ACTR3C: variants seen among roughly 807,000 people sequenced by gnomAD.
ACTR3C encodes actin related protein 3C, also known as actin-related protein 3C.
A neutral mutation model predicts 26.3 loss-of-function variants in ACTR3C; 18 were observed. That is an observed-to-expected ratio of 0.68 (90% CI 0.47 to 1.01). The LOEUF (loss-of-function observed/expected upper bound fraction) is 1.01. Among genes scored for constraint, ACTR3C ranks in the 50% least tolerant of loss-of-function variants. ACTR3C has a pLI of 0.00. For missense variants in ACTR3C, 184 were observed against 250.7 expected, an observed-to-expected ratio of 0.73 and a Z score of 1.80; for synonymous variants, 55 against 94.5, an observed-to-expected ratio of 0.58 and a Z score of 2.42.
chr7:150,116,415 G>T, the ACTR3C span, among the ~76,000 whole-genome samples: 1 of 152,176 alleles, frequency 6.6e-6, no homozygotes, highest in Admixed American at 6.5e-5. Flanking sequence ...CCTTTTGGGG[G>T]TTGATTTCTG....
At chr7:149,954,146 C>T in the ACTR3C span, among the ~76,000 whole-genome samples, 4 of 150,502 alleles carry the variant, frequency 2.7e-5, no homozygotes, top group African/African-American at 7.4e-5. Context: ...GTAGTGATTA[C>T]AATGATAAGG....
chr7:150,236,617 G>A, the ACTR3C span, among the ~76,000 whole-genome samples: 3 of 151,706 alleles, frequency 2.0e-5, no homozygotes, highest in Non-Finnish European at 4.4e-5. Context: ...TGAAAGACCA[G>A]TGATTACATA....
the ACTR3C span, among the ~76,000 whole-genome samples, chr7:150,033,865 T>A: frequency 1.3e-4 from 17 of 133,382 alleles, no homozygotes; most frequent in African/African-American, 1.8e-4. Context: ...GCGATGGGGA[T>A]CCTAAGAGCA....
At chr7:149,904,686 T>C in the ACTR3C span, among the ~76,000 whole-genome samples, 164 of 149,554 alleles carry the variant, frequency 1.1e-3, 2 homozygotes, top group African/African-American at 3.8e-3. Context: ...TCAAATTTTT[T>C]CCCAATTAAT....
chr7:150,227,688 G>GTGTTTTTTT, the ACTR3C span, among the ~76,000 whole-genome samples: 38 of 111,358 alleles, frequency 3.4e-4, no homozygotes, highest in East Asian at 1.6e-3. Context: ...TTGTGTCTGG[G>GTGTTTTTTT]TTTTTTTTTT....
chr7:149,961,014 G>A, the ACTR3C span, among the ~76,000 whole-genome samples: 1 of 152,032 alleles, frequency 6.6e-6, no homozygotes, highest in Admixed American at 6.5e-5. Context: ...GGGCTCACAG[G>A]AAGTGCACTG....
At chr7:149,894,803 A>G in the ACTR3C span, among the ~76,000 whole-genome samples, 1 of 152,030 alleles carries the variant, frequency 6.6e-6, no homozygotes, top group Non-Finnish European at 1.5e-5. Flanking sequence ...GCAAATCAGT[A>G]GAGCCATTAT....
the ACTR3C span, among the ~76,000 whole-genome samples, chr7:150,009,082 G>A: frequency 0.011 from 1,690 of 152,358 alleles, 30 homozygotes; most frequent in African/African-American, 0.039. Flanking sequence ...TGGGCCAGAA[G>A]TGGGGATGTT....
chr7:150,069,026 T>A, the ACTR3C span, among the ~76,000 whole-genome samples: 13 of 152,302 alleles, frequency 8.5e-5, no homozygotes, highest in Non-Finnish European at 1.5e-4. Context: ...ACCAGCTCTG[T>A]TGCTTGAGTG....
chr7:150,078,148 A>G, the ACTR3C span, among the ~76,000 whole-genome samples: 1 of 152,176 alleles, frequency 6.6e-6, no homozygotes, highest in Non-Finnish European at 1.5e-5. Context: ...TATCACTAGG[A>G]TGTTTTTCCT....
the ACTR3C span, among the ~76,000 whole-genome samples, chr7:149,956,457 A>G: frequency 6.6e-6 from 1 of 152,228 alleles, no homozygotes; most frequent in Non-Finnish European, 1.5e-5. Context: ...GATTCCTAAG[A>G]GAAGCTCCAT....
At chr7:150,090,491 G>A in the ACTR3C span, among the ~76,000 whole-genome samples, 3 of 151,990 alleles carry the variant, frequency 2.0e-5, no homozygotes, top group African/African-American at 4.8e-5. Flanking sequence ...TTATTTAGAG[G>A]CTTTTGACTA....
downstream of ACTR3C, chr7:150,245,927 C>T (rs1434574628): frequency 6.6e-6 from 1 of 152,176 alleles, no homozygotes; most frequent in Non-Finnish European, 1.5e-5. Context: ...CACATTGACT[C>T]AGTAAAGGTA....
chr7:149,985,211 C>CGCACACACACACAT, the ACTR3C span, among the ~76,000 whole-genome samples: 1 of 113,816 alleles, frequency 8.8e-6, no homozygotes, highest in African/African-American at 4.1e-5. Context: ...CAAAGCAACA[C>CGCACACACACACAT]ACACACACAC....
the ACTR3C span, among the ~76,000 whole-genome samples, chr7:150,192,796 A>G: frequency 2.6e-5 from 4 of 152,340 alleles, no homozygotes; most frequent in East Asian, 7.7e-4. Context: ...TGAATAAGGA[A>G]TCCTCAAATT....
chr7:150,306,747 C>T (rs139673958), intron 1 of ACTR3C, among the ~76,000 whole-genome samples: 306 of 152,330 alleles, frequency 2.0e-3, no homozygotes, highest in African/African-American at 7.1e-3. Flanking sequence ...AGCTTCACTT[C>T]TAGGTGTCTA....
At chr7:150,136,586 T>G in the ACTR3C span, among the ~76,000 whole-genome samples, 1 of 151,926 alleles carries the variant, frequency 6.6e-6, no homozygotes, top group Non-Finnish European at 1.5e-5. Context: ...AGGAGAATCA[T>G]TTGAGCCCGG....
chr7:150,150,197 G>GGT, the ACTR3C span, among the ~76,000 whole-genome samples: 29 of 152,192 alleles, frequency 1.9e-4, no homozygotes, highest in East Asian at 5.6e-3. Context: ...CTCAGGGATT[G>GGT]ATTTTCCATG....
chr7:149,930,193 C>T, the ACTR3C span, among the ~76,000 whole-genome samples: 10 of 152,156 alleles, frequency 6.6e-5, no homozygotes, highest in Non-Finnish European at 1.2e-4. Flanking sequence ...GGTGACATTC[C>T]ATAAAAGACA....
Sources: gnomAD v4.1 joint callset for allele counts (sites outside exome capture counted in the v4.1 genomes callset) on GRCh38, gnomAD v4.1.1 for gene constraint, MANE v1.5 for transcripts, NCBI Gene and HGNC (gene_info 2026-07-23, HGNC 2026-07-21) for gene names.